Variants in PCDH11Y observed in about 807,000 individuals in gnomAD.
The protein encoded by PCDH11Y is protocadherin 11 Y-linked.
For missense variants in PCDH11Y, 12 were observed against 224.8 expected, an observed-to-expected ratio of 0.05 and a Z score of 6.05; for synonymous variants, 9 against 83.6, an observed-to-expected ratio of 0.11 and a Z score of 4.87.
chrY:5,556,675 C>G, intron 3 of PCDH11Y, among the ~76,000 whole-genome samples: 1 of 32,366 alleles, frequency 3.1e-5, no homozygotes, highest in African/African-American at 1.2e-4. Flanking sequence ...TCAGTTCCCA[C>G]TTGTGAATTT....
chrY:5,597,391 G>GTA (rs2124699162), intron 4 of PCDH11Y, among the ~76,000 whole-genome samples: 1 of 26,541 alleles, frequency 3.8e-5, no homozygotes, highest in Non-Finnish European at 8.7e-5. Flanking sequence ...ATATGTGTGT[G>GTA]TATATATATA....
chrY:5,134,926 A>G (rs1569475538), intron 2 of PCDH11Y, among the ~76,000 whole-genome samples: 2 of 33,769 alleles, frequency 5.9e-5, no homozygotes, highest in East Asian at 1.6e-3. Context: ...AAATTCCACA[A>G]AACAGGTGAA....
In PCDH11Y at chrY:5,111,353, C is replaced by G. The variant is rs1159781231; in HGVS notation, c.3129+10646C>G. ...CCTCAGGTGATCCACCTGCCTCAGCCTCCCAAAGTGCTGGGATTACAGGCG... is the reference window on the plus strand; with the variant it reads ...CCTCAGGTGATCCACCTGCCTCAGCGTCCCAAAGTGCTGGGATTACAGGCG... On this transcript the variant is annotated intron_variant, in intron 2 of 4. Transcript: ENST00000400457. 4.4e-4 allele frequency among the ~76,000 whole-genome samples: 15 copies of G among 34,027 alleles called. No individual in the cohort carries two copies. In the East Asian group the frequency reaches 0.011, roughly 25 times the overall value. 91.3% of individuals were successfully genotyped at this position (34,027 alleles called of 37,273 possible). A position where few individuals can be genotyped will look rare whatever the true frequency, so the allele number is the denominator to read the frequency against.
At chrY:5,209,422 A>G (rs2052936031) in intron 2 of PCDH11Y, among the ~76,000 whole-genome samples, 3 of 32,916 alleles carry the variant, frequency 9.1e-5, no homozygotes, top group Non-Finnish European at 1.5e-4. Flanking sequence ...GGCTTTGTTC[A>G]AGGGATCTCA....
At chrY:5,551,254 A>G (rs2053418305) in intron 3 of PCDH11Y, among the ~76,000 whole-genome samples, 1 of 33,114 alleles carries the variant, frequency 3.0e-5, no homozygotes, top group African/African-American at 1.2e-4. Flanking sequence ...CATATATTCC[A>G]TCTTCAACTC....
At chrY:5,350,161 C>A (rs2124670068) in intron 2 of PCDH11Y, among the ~76,000 whole-genome samples, 2 of 32,729 alleles carry the variant, frequency 6.1e-5, no homozygotes, top group Non-Finnish European at 1.5e-4. Flanking sequence ...TAAATGTTTG[C>A]CCTTTTAAGG....
At chrY:5,474,832 C>G in intron 2 of PCDH11Y, among the ~76,000 whole-genome samples, 1 of 32,998 alleles carries the variant, frequency 3.0e-5, no homozygotes, top group African/African-American at 1.2e-4. Flanking sequence ...TTTGTGTCTT[C>G]TTTCATCTGT....
At chrY:5,549,682 A>T in intron 3 of PCDH11Y, among the ~76,000 whole-genome samples, 2 of 33,640 alleles carry the variant, frequency 5.9e-5, no homozygotes, top group South Asian at 1.3e-3. Context: ...CACTATTCAC[A>T]ATAGTAAAGA....
chrY:5,428,171 A>AT (rs2053265494), intron 2 of PCDH11Y, among the ~76,000 whole-genome samples: 3 of 32,759 alleles, frequency 9.2e-5, no homozygotes, highest in Non-Finnish European at 1.5e-4. Context: ...AATGAATGTG[A>AT]AGGCCTAGGA....
intron 2 of PCDH11Y, among the ~76,000 whole-genome samples, chrY:5,164,363 G>A: frequency 6.2e-5 from 2 of 32,057 alleles, no homozygotes; most frequent in Non-Finnish European, 7.6e-5. Context: ...TATAATATAC[G>A]TGATGTAGGA....
At chrY:5,536,089 T>G in intron 3 of PCDH11Y, among the ~76,000 whole-genome samples, 2 of 31,796 alleles carry the variant, frequency 6.3e-5, no homozygotes, top group African/African-American at 2.5e-4. Flanking sequence ...AAGGCCCTGC[T>G]AATTATTTTT....
intron 2 of PCDH11Y, among the ~76,000 whole-genome samples, chrY:5,372,668 G>A: frequency 3.1e-5 from 1 of 31,804 alleles, no homozygotes; most frequent in Non-Finnish European, 7.8e-5. Context: ...CACACTCCTC[G>A]TTTACTGAAC....
At chrY:5,089,600 T>C (rs2124633610) in intron 1 of PCDH11Y, among the ~76,000 whole-genome samples, 1 of 33,947 alleles carries the variant, frequency 2.9e-5, no homozygotes, top group Non-Finnish European at 7.3e-5. Context: ...CTCTGACTCG[T>C]TACTGCCAAT....
chrY:5,159,957 G>A, intron 2 of PCDH11Y, among the ~76,000 whole-genome samples: 1 of 28,141 alleles, frequency 3.6e-5, no homozygotes, highest in East Asian at 8.9e-4. Context: ...ACTTACAATC[G>A]TATTTTCATT....
chrY:5,723,798 A>G (rs2124714379), intron 4 of PCDH11Y, among the ~76,000 whole-genome samples: 1 of 33,472 alleles, frequency 3.0e-5, no homozygotes, highest in Admixed American at 2.7e-4. Context: ...TCATTATACT[A>G]TGTAAGTAAG....
intron 3 of PCDH11Y, among the ~76,000 whole-genome samples, chrY:5,544,155 G>A: frequency 3.0e-5 from 1 of 32,843 alleles, no homozygotes; most frequent in Non-Finnish European, 7.6e-5. Flanking sequence ...AGCTTTACAT[G>A]CAGGAGGCAT....
At chrY:5,107,360 T>C, downstream of PCDH11Y, among the ~76,000 whole-genome samples, 1 of 33,719 alleles carries the variant, frequency 3.0e-5, no homozygotes, top group African/African-American at 1.2e-4. Flanking sequence ...TTTACCCATA[T>C]AAGCCAATGA....
chrY:5,359,403 T>C (rs2053172461), intron 2 of PCDH11Y, among the ~76,000 whole-genome samples: 1 of 32,711 alleles, frequency 3.1e-5, no homozygotes, highest in Non-Finnish European at 7.5e-5. Flanking sequence ...GAGGTCACTC[T>C]TGTTGCCATC....
chrY:5,140,732 G>GT (rs2052847325), intron 2 of PCDH11Y, among the ~76,000 whole-genome samples: 1 of 31,426 alleles, frequency 3.2e-5, no homozygotes, highest in Non-Finnish European at 7.8e-5. Context: ...AAAAAAATGT[G>GT]TTTTTTTCAC....
Sources: gnomAD v4.1 joint callset for allele counts (sites outside exome capture counted in the v4.1 genomes callset) on GRCh38, gnomAD v4.1.1 for gene constraint, MANE v1.5 for transcripts, NCBI Gene and HGNC (gene_info 2026-07-23, HGNC 2026-07-21) for gene names.